Variants in TPCN1 observed in about 807,000 individuals in gnomAD.
TPCN1 encodes the protein two pore channel protein 1.
A neutral mutation model predicts 108.8 loss-of-function variants in TPCN1; 52 were observed. The observed-to-expected ratio is 0.48, with a 90% CI of 0.38 to 0.60. The LOEUF (loss-of-function observed/expected upper bound fraction) is 0.60. Among genes scored for constraint, TPCN1 ranks in the 20% least tolerant of loss-of-function variants. TPCN1 has a pLI of 0.00. For synonymous variants in TPCN1, 446 were observed against 433.7 expected, an observed-to-expected ratio of 1.03 and a Z score of -0.35; for missense variants, 806 against 1,072.8, an observed-to-expected ratio of 0.75 and a Z score of 3.47.
Position 113,266,028 on chromosome 12 carries a change from G to A in TPCN1, c.238-152G>A, listed in dbSNP as rs367939334. 1.7e-5 allele frequency: 14 copies of A among 845,196 alleles called. No individual in the cohort carries two copies. The highest frequency in any genetic ancestry group is 2.4e-5 in the Non-Finnish European group (13 of 543,094). The allele number at this position is 845,196 out of a possible 1,614,324, so 52.4% of individuals were successfully genotyped here. On this transcript the variant is annotated intron_variant, in intron 3 of 27. Coordinates refer to ENST00000335509, the MANE Select transcript of TPCN1 (RefSeq NM_017901.6). The surrounding 1 kb of genome is among the most constrained non-coding windows in gnomAD (Gnocchi z 4.2). ...GAGACCTGACCACCGTGAGTTTCGC[G>A]AAGATCATTTTGATTTTCCAGCATC...
chr12:113,288,901 G>A lies in TPCN1; in HGVS notation c.1796+54G>A. ...GCCTGCATTTCCCGGGCAGAGGGCT[G>A]GCCAGGGCCAGGATTGGTGTCCTTG... is the stretch of plus-strand genomic sequence containing the variant. On this transcript the variant is annotated intron_variant, in intron 21 of 27. Coordinates refer to ENST00000335509, the MANE Select transcript of TPCN1 (RefSeq NM_017901.6). The surrounding 1 kb of genome is among the most constrained non-coding windows in gnomAD (Gnocchi z 4.8). 2 of 1,566,790 alleles carry A rather than the reference G, an allele frequency of 1.3e-6. No individual in the cohort carries two copies. The highest frequency in any genetic ancestry group is 1.8e-6 in the Non-Finnish European group (2 of 1,140,316).
intron 2 of TPCN1, among the ~76,000 whole-genome samples, chr12:113,247,981 G>C (rs781274586): frequency 6.6e-6 from 1 of 152,216 alleles, no homozygotes; most frequent in Non-Finnish European, 1.5e-5. Context: ...TTTCACCTTA[G>C]CTCTTGAGTC....
chr12:113,267,880 T>C lies in TPCN1; in HGVS notation c.452T>C (p.Val151Ala). 6.2e-7 allele frequency: 1 copy of C among 1,614,106 alleles called. No individual in the cohort carries two copies. The highest frequency in any genetic ancestry group is 8.5e-7 in the Non-Finnish European group (1 of 1,179,994). ...CTGGAGCTGTTTGCCCTGATGGTGG[T>C]AGTGTTTGAACTCTGCATGAAGTTA... ...ATLELFALMV[V>A]VFELCMKLRW... is the part of the protein sequence containing the mutation. Residue 151 changes from valine to alanine, a missense_variant, in exon 5 of 28, where the codon GTA (valine) becomes GCA (alanine). Coordinates refer to ENST00000335509, the MANE Select transcript of TPCN1 (RefSeq NM_017901.6).
chr12:113,252,603 T>C (rs1954684395), intron 2 of TPCN1, among the ~76,000 whole-genome samples: 1 of 152,174 alleles, frequency 6.6e-6, no homozygotes, highest in South Asian at 2.1e-4. Flanking sequence ...CGCTCCATCA[T>C]TGTTATTTAT....
chr12:113,278,086 T>A (rs375428609), intron 12 of TPCN1, 103 bp from the exon 13 acceptor site: 4 of 936,646 alleles, frequency 4.3e-6, no homozygotes, highest in Non-Finnish European at 5.2e-6. Context: ...CCTCTCTTCC[T>A]CCCTCACCCC....
At chr12:113,290,034 G>A in intron 21 of TPCN1, 94 bp from the exon 22 acceptor site, 4 of 783,620 alleles carry the variant, frequency 5.1e-6, no homozygotes, top group Non-Finnish European at 8.5e-6. Context: ...AAGGATCCTT[G>A]GCCAGAACTC....
intron 2 of TPCN1, among the ~76,000 whole-genome samples, chr12:113,253,761 A>G (rs906734722): frequency 2.2e-4 from 34 of 152,218 alleles, no homozygotes; most frequent in Admixed American, 1.3e-4. Flanking sequence ...ACCTGATTTC[A>G]AGAGGAAGAA....
In TPCN1 at chr12:113,273,720, A is replaced by C; in HGVS notation, c.942+52A>C. On this transcript the variant is annotated intron_variant, in intron 10 of 27. Transcript: ENST00000335509. This position sits in a 1 kb window ranked among gnomAD's most constrained non-coding sequence, Gnocchi z 4.0. ...TGAAGCAGCCTGCCCCTACCCATGC[A>C]GCACTAGGCACTGTGGGAGTGGAGA... 1.4e-6 allele frequency: 2 copies of C among 1,391,618 alleles called. No homozygotes were observed. Among genetic ancestry groups the C allele is most frequent in the Non-Finnish European group, 2.0e-6 (2 of 979,560 alleles). 86.2% of individuals were successfully genotyped at this position (1,391,618 alleles called of 1,614,324 possible).
intron 27 of TPCN1, among the ~76,000 whole-genome samples, chr12:113,293,596 A>G (rs945024425): frequency 2.0e-5 from 3 of 152,194 alleles, no homozygotes; most frequent in Non-Finnish European, 4.4e-5. Flanking sequence ...CCCCTTATGA[A>G]TTCTCCAGAA....
intron 2 of TPCN1, among the ~76,000 whole-genome samples, chr12:113,241,794 G>GTA (rs60867085): frequency 1.0e-4 from 14 of 137,322 alleles, no homozygotes; most frequent in Non-Finnish European, 5.0e-5. Flanking sequence ...GTGTGTGTGT[G>GTA]CGTGTGTGTG....
chr12:113,279,359 G>GTATATATA (rs1186995627), intron 14 of TPCN1, among the ~76,000 whole-genome samples: 12 of 40,998 alleles, frequency 2.9e-4, no homozygotes, highest in Non-Finnish European at 3.8e-5. Context: ...GTGTGTGTGT[G>GTATATATA]TATATATATA....
At position 113,290,832 on chromosome 12, in the gene TPCN1, G is replaced by T. The variant is rs1353272022; in HGVS notation, c.1913-120G>T. The T allele has an allele frequency of 1.1e-5, 10 of 926,368 alleles. No homozygotes were observed. In the Admixed American group the frequency reaches 1.6e-4, roughly 14 times the overall value. 57.4% of individuals were successfully genotyped at this position (926,368 alleles called of 1,614,324 possible). A position where few individuals can be genotyped will look rare whatever the true frequency, so the allele number is the denominator to read the frequency against. ...TTTCCTGGAGCTCACAACCCAAGCG[G>T]TCATATGGTGACCCTCTCATCTTAG... On this transcript the variant is annotated intron_variant, in intron 22 of 27. Coordinates refer to ENST00000335509, the MANE Select transcript of TPCN1 (RefSeq NM_017901.6).
Position 113,298,140 on chromosome 12 carries a change from C to T in TPCN1, c.*2064C>T, listed in dbSNP as rs1956486193. The T allele has an allele frequency of 6.6e-6, 1 of 152,360 alleles. No homozygotes were observed. Among genetic ancestry groups the T allele is most frequent in the South Asian group, 2.1e-4 (1 of 4,834 alleles). 9.4% of individuals were successfully genotyped at this position (152,360 alleles called of 1,614,324 possible). ...GTTTTGGCCAGGACCTGACAAATAC[C>T]CAATGGCAGCAGTGTCAACAGACGG... is the stretch of plus-strand genomic sequence containing the variant. On this transcript the variant is annotated 3_prime_UTR_variant, in exon 28 of 28. Transcript: ENST00000335509.
chr12:113,266,204 T>C lies in TPCN1; in HGVS notation c.262T>C (p.Phe88Leu). The C allele has an allele frequency of 6.2e-7, 1 of 1,614,180 alleles. No individual in the cohort carries two copies. The highest frequency in any genetic ancestry group is 1.6e-4 in the Middle Eastern group (1 of 6,062). Reference sequence around the variant, plus strand: ...GGAAGGCGAGAACAACGACAAGTTCTTCACCCACCCCAAGGATGCCAAGGC... The same window carrying C: ...GGAAGGCGAGAACAACGACAAGTTCCTCACCCACCCCAAGGATGCCAAGGC... ...LQEGENNDKF[F>L]THPKDAKALA... Residue 88 changes from phenylalanine (F) to leucine (L), a missense_variant, in exon 4 of 28, where the codon TTC becomes CTC. Transcript: ENST00000335509. This position sits in a 1 kb window ranked among gnomAD's most constrained non-coding sequence, Gnocchi z 4.2.
chr12:113,268,886 G>A lies in TPCN1; in HGVS notation c.659+14G>A. 2 of 1,613,358 alleles carry A rather than the reference G, an allele frequency of 1.2e-6. No homozygotes were observed. The highest frequency in any genetic ancestry group is 2.2e-5 in the South Asian group (2 of 91,016). On this transcript the variant is annotated intron_variant, in intron 6 of 27. Coordinates refer to ENST00000335509, the MANE Select transcript of TPCN1 (RefSeq NM_017901.6). The surrounding 1 kb of genome is among the most constrained non-coding windows in gnomAD (Gnocchi z 7.3). ...TGGCGTCCGGCGGTAAGGCCCGGGT[G>A]GGGAGCTGGGCAGTCACTATCCTGG...
In TPCN1 at chr12:113,227,530, C is replaced by T. The variant is rs182676544; in HGVS notation, c.112+566C>T. Among the ~76,000 whole-genome samples the T allele has an allele frequency of 5.3e-5, 8 of 152,242 alleles. No homozygotes were observed. The East Asian group carries it at 7.7e-4, about 15-fold the overall frequency. ...GCCTAGCACAAAGTGAACCCAAGTG[C>T]GGCAAGGAGCTTTAAATTTTTTAAA... On this transcript the variant is annotated intron_variant, in intron 2 of 27. Coordinates refer to ENST00000335509, the MANE Select transcript of TPCN1 (RefSeq NM_017901.6).
intron 3 of TPCN1, among the ~76,000 whole-genome samples, chr12:113,261,315 TA>T (rs1018294600): frequency 5.3e-5 from 8 of 149,854 alleles, no homozygotes; most frequent in Non-Finnish European, 4.4e-5. Flanking sequence ...CTTCCAGGTT[TA>T]AAAAAAATGT....
At chr12:113,244,079 C>T (rs938847022) in intron 2 of TPCN1, among the ~76,000 whole-genome samples, 9 of 152,364 alleles carry the variant, frequency 5.9e-5, no homozygotes, top group African/African-American at 2.2e-4. Flanking sequence ...TCCAGGCTCC[C>T]TGGGCCTGGC....
rs1462130741 is a variant in TPCN1 at position 113,273,705 on chromosome 12, T to C, written c.942+37T>C. The C allele has an allele frequency of 6.6e-7, 1 of 1,525,606 alleles. No homozygotes were observed. The highest frequency in any genetic ancestry group is 1.4e-5 in the African/African-American group (1 of 73,072). The allele number at this position is 1,525,606 out of a possible 1,614,324, so 94.5% of individuals were successfully genotyped here. On this transcript the variant is annotated intron_variant, in intron 10 of 27. Coordinates refer to ENST00000335509, the MANE Select transcript of TPCN1 (RefSeq NM_017901.6). The surrounding 1 kb of genome is among the most constrained non-coding windows in gnomAD (Gnocchi z 4.0). ...TGCCTCAGGCTACGCTGAAGCAGCCTGCCCCTACCCATGCAGCACTAGGCA... is the reference window on the plus strand; with the variant it reads ...TGCCTCAGGCTACGCTGAAGCAGCCCGCCCCTACCCATGCAGCACTAGGCA...
Sources: allele counts gnomAD v4.1 joint callset (sites outside exome capture counted in the v4.1 genomes callset), GRCh38; gene constraint gnomAD v4.1.1; non-coding constraint Gnocchi (gnomAD v3.1); transcripts MANE v1.5; gene names NCBI Gene and HGNC (gene_info 2026-07-23, HGNC 2026-07-21).